Variants in FAM120A observed in about 807,000 individuals in gnomAD.
The protein encoded by FAM120A is family with sequence similarity 120 member A, also known as constitutive coactivator of PPAR-gamma-like protein 1.
In FAM120A, 15 loss-of-function variants were observed where a neutral mutation model predicts 109.7. The ratio of observed to expected loss-of-function variants is 0.14; its 90% CI spans 0.09 to 0.21. The LOEUF (loss-of-function observed/expected upper bound fraction) is 0.21, where lower values mean the gene tolerates loss of function less well. Ranked by LOEUF, FAM120A falls within the 10% of genes least tolerant of loss-of-function variation. The pLI, the probability that FAM120A is intolerant of heterozygous loss-of-function variation, is 1.00. For synonymous variants in FAM120A, 493 were observed against 572.8 expected (o/e 0.86, Z 1.99); for missense variants, 899 against 1,439.3 (o/e 0.62, Z 6.07).
chr9:93,545,178 C>T (rs1861835800), intron 11 of FAM120A, among the ~76,000 whole-genome samples: 1 of 152,176 alleles, frequency 6.6e-6, no homozygotes, highest in Admixed American at 6.5e-5. Context: ...AGCCCCAGTT[C>T]TTCCAAGTGG....
chr9:93,562,665 CTT>C (rs535421624), intron 17 of FAM120A, among the ~76,000 whole-genome samples: 16 of 134,950 alleles, frequency 1.2e-4, no homozygotes, highest in Admixed American at 2.2e-4. Context: ...CTTTCTTTTT[CTT>C]TTTTTTTTTT....
chr9:93,552,588 A>G (rs1004305480), intron 12 of FAM120A, among the ~76,000 whole-genome samples: 3 of 152,230 alleles, frequency 2.0e-5, no homozygotes, highest in South Asian at 2.1e-4. Flanking sequence ...GTTTTTTAAG[A>G]TTGAAGATCC....
rs1463604666 is a variant in FAM120A at position 93,496,001 on chromosome 9, T to A, written c.805-1470T>A. 2.0e-5 allele frequency among the ~76,000 whole-genome samples: 3 copies of A among 152,344 alleles called. No homozygotes were observed. In the East Asian group the frequency reaches 5.8e-4, roughly 29 times the overall value. ...GATAGCATCTTCACCAGAAGTAGAT[T>A]CCATCTCAAAAAGGTGCTTTCTTTG... is the stretch of plus-strand genomic sequence containing the variant. On this transcript the variant is annotated intron_variant, in intron 3 of 17. Coordinates refer to ENST00000277165, the MANE Select transcript of FAM120A (RefSeq NM_014612.5).
At chr9:93,555,968 A>G (rs1169696703) in intron 12 of FAM120A, among the ~76,000 whole-genome samples, 1 of 152,200 alleles carries the variant, frequency 6.6e-6, no homozygotes, top group Non-Finnish European at 1.5e-5. Flanking sequence ...TTCAGTTTTG[A>G]CACTCTTTCT....
intron 3 of FAM120A, among the ~76,000 whole-genome samples, chr9:93,487,880 A>G (rs1464082096): frequency 6.6e-6 from 1 of 152,176 alleles, no homozygotes; most frequent in Non-Finnish European, 1.5e-5. Context: ...CAGCCCCTCC[A>G]TGTGGGCAGT....
intron 1 of FAM120A, among the ~76,000 whole-genome samples, chr9:93,462,938 T>C (rs557343743): frequency 6.6e-6 from 1 of 152,322 alleles, no homozygotes; most frequent in African/African-American, 2.4e-5. Flanking sequence ...CATCAGTGGG[T>C]GGACACTTGG....
chr9:93,452,834 A>G lies in FAM120A; in HGVS notation c.474+445A>G. 1 of 1,536,006 alleles carries G rather than the reference A, an allele frequency of 6.5e-7. No homozygotes were observed. The highest frequency in any genetic ancestry group is 1.2e-5 in the South Asian group (1 of 84,416). ...AAGCAGGCAGGATACAGAGTAATAG[A>G]GGGGGTTTCGCCAGAGCCCTTGGGG... On this transcript the variant is annotated intron_variant, in intron 1 of 17. Transcript: ENST00000277165. This position sits in a 1 kb window ranked among gnomAD's most constrained non-coding sequence, Gnocchi z 7.0.
chr9:93,501,487 A>G (rs778871282), intron 5 of FAM120A, among the ~76,000 whole-genome samples: 1 of 152,176 alleles, frequency 6.6e-6, no homozygotes, highest in Non-Finnish European at 1.5e-5. Flanking sequence ...TATGGAGAAC[A>G]GCAAAGTAAC....
intron 1 of FAM120A, among the ~76,000 whole-genome samples, chr9:93,456,895 A>G (rs1256138226): frequency 6.6e-6 from 1 of 152,240 alleles, no homozygotes; most frequent in Non-Finnish European, 1.5e-5. Flanking sequence ...AGTACATCTT[A>G]TTCTTAAGGA....
Position 93,452,894 on chromosome 9 carries a change from C to G in FAM120A, c.474+505C>G, listed in dbSNP as rs1429652181. The G allele has an allele frequency of 6.9e-7, 1 of 1,443,256 alleles. No homozygotes were observed. 89.4% of individuals were successfully genotyped at this position (1,443,256 alleles called of 1,614,324 possible). ...ATCAGTGCTGCTGCCGCCGCCCTTG[C>G]CAATGTTGTTAGCCCGGTGACAGCG... On this transcript the variant is annotated intron_variant, in intron 1 of 17. Transcript: ENST00000277165. The surrounding 1 kb of genome is among the most constrained non-coding windows in gnomAD (Gnocchi z 7.0).
intron 3 of FAM120A, among the ~76,000 whole-genome samples, chr9:93,482,448 G>A (rs888989266): frequency 6.6e-6 from 1 of 152,098 alleles, no homozygotes; most frequent in African/African-American, 2.4e-5. Flanking sequence ...GCCTCAGCCT[G>A]CCAAAGTGCT....
intron 10 of FAM120A, among the ~76,000 whole-genome samples, chr9:93,538,004 T>C (rs1416223259): frequency 1.3e-5 from 2 of 152,040 alleles, no homozygotes; most frequent in Non-Finnish European, 2.9e-5. Flanking sequence ...ATATTACTCT[T>C]TTGGATTAAT....
At chr9:93,484,434 A>G (rs926061190) in intron 3 of FAM120A, among the ~76,000 whole-genome samples, 1 of 152,204 alleles carries the variant, frequency 6.6e-6, no homozygotes, top group African/African-American at 2.4e-5. Context: ...GAGGCCAGCA[A>G]GGGAAAGACA....
chr9:93,462,893 G>T (rs1036416095), intron 1 of FAM120A, among the ~76,000 whole-genome samples: 1 of 152,218 alleles, frequency 6.6e-6, no homozygotes, highest in Non-Finnish European at 1.5e-5. Flanking sequence ...ATAACATTCT[G>T]TTGTATTGGA....
chr9:93,494,268 T>G (rs1859471828), intron 3 of FAM120A, among the ~76,000 whole-genome samples: 1 of 152,242 alleles, frequency 6.6e-6, no homozygotes, highest in South Asian at 2.1e-4. Context: ...ATTGCTTATT[T>G]GTTGCTTCAA....
At chr9:93,505,051 GTTTTTTTTT>G (rs768552939) in intron 5 of FAM120A, among the ~76,000 whole-genome samples, 4 of 81,314 alleles carry the variant, frequency 4.9e-5, no homozygotes, top group Non-Finnish European at 6.5e-5. Context: ...GTTCGCTTGT[GTTTTTTTTT>G]TTTTTTTTTT....
chr9:93,484,503 A>G (rs1488593695), intron 3 of FAM120A, among the ~76,000 whole-genome samples: 1 of 152,220 alleles, frequency 6.6e-6, no homozygotes, highest in East Asian at 1.9e-4. Flanking sequence ...CACTTACGGT[A>G]TCTCTGGGAG....
At position 93,476,296 on chromosome 9, in the gene FAM120A, C is replaced by T. The variant is rs10821135; in HGVS notation, c.762C>T (p.His254=). 0.49 allele frequency: 788,146 copies of T among 1,601,368 alleles called. 198,284 individuals carry two copies. The highest frequency in any genetic ancestry group is 0.66 in the African/African-American group (49,250 of 74,596). The change falls in exon 3 of 18, where the codon CAC becomes CAT. Residue 254 remains histidine (H), a synonymous_variant. Transcript: ENST00000277165. ...ILPDEDLASF[H]WSLLGPEHPL... ...CTGATGAAGATCTGGCTTCCTTTCA[C>T]TGGAGTTTACTTGGTCCAGAACATC...
At chr9:93,538,560 AT>A (rs1861598299) in intron 10 of FAM120A, among the ~76,000 whole-genome samples, 1 of 152,206 alleles carries the variant, frequency 6.6e-6, no homozygotes, top group Admixed American at 6.5e-5. Flanking sequence ...CTTGGAGGCC[AT>A]TCATCTGCCC....
Sources: allele counts gnomAD v4.1 joint callset (sites outside exome capture counted in the v4.1 genomes callset), GRCh38; gene constraint gnomAD v4.1.1; non-coding constraint Gnocchi (gnomAD v3.1); transcripts MANE v1.5; gene names NCBI Gene and HGNC (gene_info 2026-07-23, HGNC 2026-07-21).